The following DLGAP2 variants were observed in gnomAD, a reference collection of about 807,000 sequenced individuals.
DLGAP2 encodes disks large-associated protein 2.
DLGAP2 carries 26 observed loss-of-function variants against 100.3 expected under a neutral mutation model. The ratio of observed to expected loss-of-function variants is 0.26; its 90% CI spans 0.19 to 0.36. The LOEUF is 0.36. DLGAP2 is among the 10% of genes least tolerant of loss of function. The pLI is 1.00. For synonymous variants in DLGAP2, 886 were observed against 630.1 expected (o/e 1.41, Z -6.08); for missense variants, 1,858 against 1,453.2 (o/e 1.28, Z -4.53).
chr8:1,259,837 A>G (rs183918096), intron 3 of DLGAP2: 3 of 152,370 alleles, frequency 2.0e-5, no homozygotes, highest in Admixed American at 6.5e-5. Context: ...TGGAACTTCT[A>G]TGAAACACTT....
chr8:1,173,366 C>G (rs1484675301), intron 2 of DLGAP2, among the ~76,000 whole-genome samples: 1 of 152,216 alleles, frequency 6.6e-6, no homozygotes, highest in Non-Finnish European at 1.5e-5. Context: ...TCTGCCCGTT[C>G]TCAGATCTCC....
intron 2 of DLGAP2, among the ~76,000 whole-genome samples, chr8:1,233,764 C>G (rs762678045): frequency 3.8e-4 from 58 of 152,192 alleles, no homozygotes; most frequent in Non-Finnish European, 8.1e-4. Flanking sequence ...ACATCAGGGT[C>G]TCACTGGGAG....
chr8:947,475 G>C (rs1456973543), intron 2 of DLGAP2, among the ~76,000 whole-genome samples: 1 of 152,226 alleles, frequency 6.6e-6, no homozygotes, highest in Non-Finnish European at 1.5e-5. Flanking sequence ...ACGAAGCGTA[G>C]AGACGGTGGC....
At chr8:1,175,561 A>G (rs1044578093) in intron 2 of DLGAP2, among the ~76,000 whole-genome samples, 2 of 152,188 alleles carry the variant, frequency 1.3e-5, no homozygotes, top group East Asian at 1.9e-4. Flanking sequence ...TTCTAGCTCT[A>G]TATGCGACTC....
intron 8 of DLGAP2, among the ~76,000 whole-genome samples, chr8:1,637,500 C>T (rs563914896): frequency 6.6e-6 from 1 of 152,048 alleles, no homozygotes; most frequent in East Asian, 1.9e-4. Flanking sequence ...CTGCACACCC[C>T]ACAAAGGCAA....
chr8:1,076,255 C>T (rs549137697), intron 2 of DLGAP2, among the ~76,000 whole-genome samples: 38 of 152,326 alleles, frequency 2.5e-4, no homozygotes, highest in Admixed American at 9.1e-4. Context: ...TGAGCCTATA[C>T]CGCGTGCTGG....
intron 1 of DLGAP2, among the ~76,000 whole-genome samples, chr8:768,863 T>C (rs545296246): frequency 4.6e-5 from 7 of 152,276 alleles, no homozygotes; most frequent in Admixed American, 3.3e-4. Context: ...TTACATCATT[T>C]CATGTGTCTG....
At chr8:1,464,322 C>T (rs1472745003) in intron 3 of DLGAP2, among the ~76,000 whole-genome samples, 2 of 137,248 alleles carry the variant, frequency 1.5e-5, no homozygotes, top group South Asian at 2.4e-4. Context: ...GGACAACGCC[C>T]TTCCAGGACG....
intron 3 of DLGAP2, among the ~76,000 whole-genome samples, chr8:1,272,899 A>G (rs1350033572): frequency 1.3e-5 from 2 of 152,138 alleles, no homozygotes; most frequent in Non-Finnish European, 2.9e-5. Flanking sequence ...TCAGATTTTC[A>G]TGGAGATTCA....
chr8:1,323,489 G>C (rs1800953016), intron 3 of DLGAP2, among the ~76,000 whole-genome samples: 1 of 152,196 alleles, frequency 6.6e-6, no homozygotes, highest in Non-Finnish European at 1.5e-5. Flanking sequence ...CCACACTGTG[G>C]CTCCTGCTGT....
chr8:1,336,777 C>A (rs1563090872), intron 3 of DLGAP2, among the ~76,000 whole-genome samples: 1 of 152,240 alleles, frequency 6.6e-6, no homozygotes, highest in Admixed American at 6.5e-5. Flanking sequence ...CTCTCACCCT[C>A]TTTTAATAAA....
intron 3 of DLGAP2, among the ~76,000 whole-genome samples, chr8:1,343,153 T>C (rs1285621137): frequency 6.6e-6 from 1 of 152,138 alleles, no homozygotes; most frequent in Non-Finnish European, 1.5e-5. Context: ...ACCTGGAGGC[T>C]CAGGATATGC....
At chr8:1,457,528 C>G (rs1265960384) in intron 3 of DLGAP2, among the ~76,000 whole-genome samples, 1 of 152,210 alleles carries the variant, frequency 6.6e-6, no homozygotes, top group Non-Finnish European at 1.5e-5. Flanking sequence ...ATAGGACAAG[C>G]TGATGGCAGC....
In DLGAP2 at chr8:1,384,233, T is replaced by A. The variant is rs563711153; in HGVS notation, c.107-117133T>A. On this transcript the variant is annotated intron_variant, in intron 3 of 14. Coordinates refer to ENST00000637795, the MANE Select transcript of DLGAP2 (RefSeq NM_001346810.2). ...TGGATGCCATTTTCAGAATTTAATT[T>A]CTTTCCTGGAAAAAGCAAGAATTGT... 2.0e-5 allele frequency among the ~76,000 whole-genome samples: 3 copies of A among 152,384 alleles called. No individual in the cohort carries two copies. In the South Asian group the frequency reaches 6.2e-4, roughly 32 times the overall value.
intron 1 of DLGAP2, among the ~76,000 whole-genome samples, chr8:811,052 C>A (rs932610833): frequency 6.6e-6 from 1 of 152,220 alleles, no homozygotes; most frequent in Non-Finnish European, 1.5e-5. Context: ...CTTTCCTCTT[C>A]ACTTTCTTGG....
rs183404588 is a variant in DLGAP2 at position 1,497,261 on chromosome 8, G to A, written c.107-4105G>A. 1.9e-3 allele frequency among the ~76,000 whole-genome samples: 294 copies of A among 152,306 alleles called. 1 individual carries two copies. Among genetic ancestry groups the A allele is most frequent in the Admixed American group, 0.017 (253 of 15,296 alleles). ...CGATGGAAATGTGAGGTCAGAGGTC[G>A]GCGCTGTCAGTTTCACAGCACCGAT... On this transcript the variant is annotated intron_variant, in intron 3 of 14. Coordinates refer to ENST00000637795, the MANE Select transcript of DLGAP2 (RefSeq NM_001346810.2).
chr8:1,240,193 G>C (rs1456544899), intron 2 of DLGAP2, among the ~76,000 whole-genome samples: 1 of 135,818 alleles, frequency 7.4e-6, no homozygotes, highest in Non-Finnish European at 1.6e-5. Context: ...ACAGAGTATC[G>C]TGTCTAGTTC....
chr8:1,374,894 G>C (rs1802351678), intron 3 of DLGAP2, among the ~76,000 whole-genome samples: 1 of 152,144 alleles, frequency 6.6e-6, no homozygotes. Context: ...TGACTCGCCT[G>C]TTTCACGAGT....
chr8:1,638,254 A>T (rs929447461), intron 8 of DLGAP2, among the ~76,000 whole-genome samples: 2 of 152,126 alleles, frequency 1.3e-5, no homozygotes, highest in Non-Finnish European at 2.9e-5. Flanking sequence ...AGACCCTTCG[A>T]AGAGGTGACC....
Sources: allele counts gnomAD v4.1 joint callset (sites outside exome capture counted in the v4.1 genomes callset), GRCh38; gene constraint gnomAD v4.1.1; transcripts MANE v1.5; gene names NCBI Gene and HGNC (gene_info 2026-07-23, HGNC 2026-07-21).